The following TTBK2 variants were observed in gnomAD, a reference collection of about 807,000 sequenced individuals.
The protein encoded by TTBK2 is tau-tubulin kinase 2.
TTBK2 carries 28 observed loss-of-function variants against 110.8 expected under a neutral mutation model. The ratio of observed to expected loss-of-function variants is 0.25; its 90% CI spans 0.19 to 0.35. The LOEUF (loss-of-function observed/expected upper bound fraction) is 0.35, where lower values mean the gene tolerates loss of function less well. Ranked by LOEUF, TTBK2 falls within the 10% of genes least tolerant of loss-of-function variation. The pLI is 1.00. For synonymous variants in TTBK2, 532 were observed against 527.3 expected (o/e 1.01, Z -0.12); for missense variants, 1,369 against 1,500.3 (o/e 0.91, Z 1.45).
chr15:42,915,173 T>C (rs901029356), intron 1 of TTBK2, among the ~76,000 whole-genome samples: 1 of 152,226 alleles, frequency 6.6e-6, no homozygotes, highest in African/African-American at 2.4e-5. Context: ...AAACAATTCA[T>C]ACGTTTTAAA....
chr15:42,862,669 A>G (rs1894205871), intron 3 of TTBK2, among the ~76,000 whole-genome samples: 1 of 152,110 alleles, frequency 6.6e-6, no homozygotes, highest in Admixed American at 6.6e-5. Flanking sequence ...CAGGCAGATG[A>G]CCTGAAGTCG....
At chr15:42,884,758 G>A (rs1283346662) in intron 1 of TTBK2, among the ~76,000 whole-genome samples, 1 of 152,160 alleles carries the variant, frequency 6.6e-6, no homozygotes, top group Non-Finnish European at 1.5e-5. Context: ...AAACTAATAA[G>A]TGTCAGGCCT....
chr15:42,828,758 T>C (rs930160060), intron 5 of TTBK2, among the ~76,000 whole-genome samples: 3 of 150,946 alleles, frequency 2.0e-5, no homozygotes, highest in East Asian at 3.9e-4. Context: ...ATAAGCATCA[T>C]AAAGCTGAAT....
At chr15:42,817,790 G>T (rs1892101374) in intron 6 of TTBK2, among the ~76,000 whole-genome samples, 1 of 152,078 alleles carries the variant, frequency 6.6e-6, no homozygotes, top group African/African-American at 2.4e-5. Flanking sequence ...TTTCTTTCAT[G>T]ACCAATTTTG....
Position 42,886,180 on chromosome 15 carries a change from C to T in TTBK2, c.-67-7496G>A, listed in dbSNP as rs377708132. 3.3e-5 allele frequency among the ~76,000 whole-genome samples: 5 copies of T among 152,184 alleles called. No individual in the cohort carries two copies. The East Asian group carries it at 5.8e-4, about 18-fold the overall frequency. On this transcript the variant is annotated intron_variant, in intron 1 of 14. Coordinates refer to ENST00000267890, the MANE Select transcript of TTBK2 (RefSeq NM_173500.4). ...TTTTCTACGGACTCATCTGACCTCT[C>T]CCCTTCTCCCCAGGCTGCTCCTCGC...
rs761845069 is a variant in TTBK2 at position 42,775,163 on chromosome 15, T to A, written c.1970A>T (p.Glu657Val). The A allele has an allele frequency of 6.2e-7, 1 of 1,614,058 alleles. No individual in the cohort carries two copies. The highest frequency in any genetic ancestry group is 1.7e-5 in the Admixed American group (1 of 60,008). ...FIAATPTSLM[E>V]AQAEGPLTAI... is the part of the protein sequence containing the mutation. The stretch of plus-strand genomic sequence containing the variant: ...TGTAAGGGGTCCTTCTGCCTGCGCC[T>A]CCATTAGACTTGTGGGCGTCGCTGC... The change falls in exon 13 of 15, where the codon GAG becomes GTG. Residue 657 changes from glutamate (E) to valine (V), a missense_variant. Physicochemically the swap from Glu to Val is moderately radical, Grantham distance 121. Transcript: ENST00000267890.
chr15:42,760,204 G>A (rs2140649276), intron 13 of TTBK2, among the ~76,000 whole-genome samples: 1 of 152,082 alleles, frequency 6.6e-6, no homozygotes, highest in South Asian at 2.1e-4. Context: ...TGGCCAACAT[G>A]GTGAAACCCT....
At chr15:42,799,145 G>A (rs755714188) in intron 9 of TTBK2, among the ~76,000 whole-genome samples, 59 of 152,014 alleles carry the variant, frequency 3.9e-4, no homozygotes, top group Non-Finnish European at 2.9e-4. Flanking sequence ...CAAGGCGAGC[G>A]GATCACGAGG....
intron 13 of TTBK2, among the ~76,000 whole-genome samples, chr15:42,761,498 A>G (rs1301342800): frequency 6.6e-6 from 1 of 152,128 alleles, no homozygotes; most frequent in African/African-American, 2.4e-5. Flanking sequence ...AAGATAACCT[A>G]CAAAATGGAA....
At chr15:42,919,981 C>T (rs1217249189) in intron 1 of TTBK2, 1 of 187,794 alleles carries the variant, frequency 5.3e-6, no homozygotes, top group Non-Finnish European at 9.9e-6. Context: ...AAGTCGCGGC[C>T]TTCACTGTCG....
Position 42,801,992 on chromosome 15 carries a change from C to T in TTBK2, c.823-7191G>A, listed in dbSNP as rs771535501. ...CACTTAAGGTTGTTGATGTAGCTCT[C>T]GAACATGTTGTCCATGTTGCTCCGA... On this transcript the variant is annotated intron_variant, in intron 9 of 14. Transcript: ENST00000267890. 56 of 1,527,588 alleles carry T rather than the reference C, an allele frequency of 3.7e-5. No individual in the cohort carries two copies. The South Asian group carries it at 4.1e-4, about 11-fold the overall frequency. The allele number at this position is 1,527,588 out of a possible 1,614,324, so 94.6% of individuals were successfully genotyped here. A position where few individuals can be genotyped will look rare whatever the true frequency, so the allele number is the denominator to read the frequency against.
At chr15:42,865,585 G>A (rs28488244) in intron 3 of TTBK2, among the ~76,000 whole-genome samples, 2,394 of 151,446 alleles carry the variant, frequency 0.016, 30 homozygotes, top group Admixed American at 0.023. Context: ...CACTTTGTGA[G>A]GCTGAGGCAG....
chr15:42,820,916 C>T (rs1054353188), intron 6 of TTBK2, among the ~76,000 whole-genome samples: 1 of 151,990 alleles, frequency 6.6e-6, no homozygotes, highest in Non-Finnish European at 1.5e-5. Flanking sequence ...ACTTGGGAGG[C>T]TGAGATGGGA....
At chr15:42,834,211 A>T (rs1054554477) in intron 4 of TTBK2, among the ~76,000 whole-genome samples, 2 of 150,816 alleles carry the variant, frequency 1.3e-5, no homozygotes, top group Non-Finnish European at 2.9e-5. Flanking sequence ...GGGGGTGTAT[A>T]AAAGGAAAGA....
intron 1 of TTBK2, among the ~76,000 whole-genome samples, chr15:42,900,816 T>C (rs2029949770): frequency 1.3e-5 from 2 of 152,174 alleles, no homozygotes; most frequent in South Asian, 4.1e-4. Context: ...ACAGAAAACA[T>C]GTATTTTTAC....
chr15:42,767,079 A>C (rs1040081675), intron 13 of TTBK2, among the ~76,000 whole-genome samples: 3 of 152,244 alleles, frequency 2.0e-5, no homozygotes, highest in African/African-American at 7.2e-5. Flanking sequence ...TGTTCTTTGA[A>C]ACCAGTGAGA....
Position 42,777,231 on chromosome 15 carries a change from T to G in TTBK2, c.1209A>C (p.Glu403Asp), listed in dbSNP as rs1889969777. 2 of 1,614,154 alleles carry G rather than the reference T, an allele frequency of 1.2e-6. No individual in the cohort carries two copies. Among genetic ancestry groups the G allele is most frequent in the Admixed American group, 1.7e-5 (1 of 60,016 alleles). Residue 403 changes from glutamate (E) to aspartate (D), a missense_variant, in exon 12 of 15, where the codon GAA becomes GAC. Around this residue, in one of 4 missense-constraint regions of TTBK2, gnomAD observed 1,097 missense variants for 1,114.7 expected, o/e 0.98. Transcript: ENST00000267890. Reference sequence around the variant, plus strand: ...TTGCCTGGCCATGGCTGTTCTCCTCTTCAGTAGCAGCCTATCCAAAATATA... The same window carrying G: ...TTGCCTGGCCATGGCTGTTCTCCTCGTCAGTAGCAGCCTATCCAAAATATA... ...IKLGICKAAT[E>D]EENSHGQANG...
In TTBK2 at chr15:42,790,885, G is replaced by T. The variant is rs1002808966; in HGVS notation, c.980+3759C>A. Among the ~76,000 whole-genome samples, 16 of 151,474 alleles carry T rather than the reference G, an allele frequency of 1.1e-4. No individual in the cohort carries two copies. The East Asian group carries it at 1.4e-3, about 13-fold the overall frequency. ...CAGCTAATTTTTGTGTGTTTTTTTTGTTTGTTTGTTTGTTTTGAGATGGAG... is the reference window on the plus strand; with the variant it reads ...CAGCTAATTTTTGTGTGTTTTTTTTTTTTGTTTGTTTGTTTTGAGATGGAG... On this transcript the variant is annotated intron_variant, in intron 10 of 14. Transcript: ENST00000267890.
chr15:42,898,708 G>GA (rs1460100616), intron 1 of TTBK2, among the ~76,000 whole-genome samples: 12 of 152,250 alleles, frequency 7.9e-5, no homozygotes, highest in African/African-American at 2.9e-4. Flanking sequence ...GAATGAGATG[G>GA]GCAGTGAAAA....
Sources: gnomAD v4.1 joint callset for allele counts (sites outside exome capture counted in the v4.1 genomes callset) on GRCh38, gnomAD v4.1.1 for gene constraint, gnomAD v4.1.1 regional missense constraint, MANE v1.5 for transcripts, NCBI Gene and HGNC (gene_info 2026-07-23, HGNC 2026-07-21) for gene names.